IQGAP2: variants seen among roughly 807,000 people sequenced by gnomAD.
IQGAP2 encodes ras GTPase-activating-like protein IQGAP2.
Under a neutral mutation model 201.3 loss-of-function variants are expected in IQGAP2, and 173 were observed. The ratio of observed to expected loss-of-function variants is 0.86; its 90% CI spans 0.76 to 0.98. The LOEUF (loss-of-function observed/expected upper bound fraction) is 0.98. IQGAP2 is among the 50% of genes least tolerant of loss of function. The pLI is 0.00. For missense variants in IQGAP2, 1,687 were observed against 1,864.8 expected (o/e 0.90, Z 1.76); for synonymous variants, 675 against 673.9 (o/e 1.00, Z -0.03).
intron 1 of IQGAP2, among the ~76,000 whole-genome samples, chr5:76,446,757 A>C (rs1404902431): frequency 6.6e-6 from 1 of 152,230 alleles, no homozygotes; most frequent in Non-Finnish European, 1.5e-5. Context: ...CATCTACCAA[A>C]TTAGAATGAT....
At chr5:76,468,008 A>T (rs1393881275) in intron 2 of IQGAP2, among the ~76,000 whole-genome samples, 2 of 152,164 alleles carry the variant, frequency 1.3e-5, no homozygotes, top group African/African-American at 4.8e-5. Context: ...TTTTGGGCTG[A>T]TAAAAATATT....
intron 17 of IQGAP2, among the ~76,000 whole-genome samples, chr5:76,641,935 A>G (rs897051588): frequency 2.0e-5 from 3 of 152,212 alleles, no homozygotes; most frequent in African/African-American, 7.2e-5. Flanking sequence ...GCAGAAAATG[A>G]ATTTTACAAA....
Position 76,597,419 on chromosome 5 carries a change from A to C in IQGAP2, c.908-20A>C. 6.2e-7 allele frequency: 1 copy of C among 1,612,740 alleles called. No individual in the cohort carries two copies. The highest frequency in any genetic ancestry group is 8.5e-7 in the Non-Finnish European group (1 of 1,179,442). On this transcript the variant is annotated intron_variant, in intron 9 of 35. Coordinates refer to ENST00000274364, the MANE Select transcript of IQGAP2 (RefSeq NM_006633.5). ...TGGAAAGAGCAACCATTCTGACAAAACATGAACCCCCATCCTCAGGGCAGG... is the reference window on the plus strand; with the variant it reads ...TGGAAAGAGCAACCATTCTGACAAACCATGAACCCCCATCCTCAGGGCAGG...
At chr5:76,582,955 C>G (rs1462104118) in intron 5 of IQGAP2, among the ~76,000 whole-genome samples, 1 of 152,224 alleles carries the variant, frequency 6.6e-6, no homozygotes, top group Non-Finnish European at 1.5e-5. Flanking sequence ...TTGCTGGCCT[C>G]ACTCAGCTGC....
chr5:76,646,881 A>G (rs1216985649), intron 17 of IQGAP2, among the ~76,000 whole-genome samples: 1 of 152,048 alleles, frequency 6.6e-6, no homozygotes, highest in Non-Finnish European at 1.5e-5. Context: ...TAACATCTTT[A>G]TTCTATTGTG....
intron 3 of IQGAP2, among the ~76,000 whole-genome samples, 163 bp downstream of exon 3, chr5:76,562,715 A>G (rs1744470645): frequency 6.6e-6 from 1 of 152,178 alleles, no homozygotes; most frequent in Non-Finnish European, 1.5e-5. Flanking sequence ...GCAGTTTTAA[A>G]AAGCAAAGTG....
chr5:76,611,813 G>A (rs529720587), intron 13 of IQGAP2, among the ~76,000 whole-genome samples: 1 of 152,198 alleles, frequency 6.6e-6, no homozygotes, highest in Admixed American at 6.5e-5. Context: ...ACAAAGACTG[G>A]CCTCTGTGAT....
In IQGAP2 at chr5:76,403,384, C is replaced by A. The variant is rs985414622; in HGVS notation, c.-162C>A. The A allele has an allele frequency of 6.5e-6, 3 of 464,606 alleles. No individual in the cohort carries two copies. The highest frequency in any genetic ancestry group is 4.5e-5 in the Admixed American group (1 of 22,094). The allele number at this position is 464,606 out of a possible 1,614,324, so 28.8% of individuals were successfully genotyped here. On this transcript the variant is annotated 5_prime_UTR_variant, in exon 1 of 36. Transcript: ENST00000274364. The surrounding 1 kb of genome is among the most constrained non-coding windows in gnomAD (Gnocchi z 4.8). ...GCGCGGCGGCCGTGGCTGGCTCTGG[C>A]GAGAGAGCACCGAGGGAGTGGGTCG... is the stretch of plus-strand genomic sequence containing the variant.
At chr5:76,603,440 AAAAG>A (rs1443462804) in intron 11 of IQGAP2, among the ~76,000 whole-genome samples, 1 of 152,084 alleles carries the variant, frequency 6.6e-6, no homozygotes, top group Non-Finnish European at 1.5e-5. Flanking sequence ...GCACAAAAAC[AAAAG>A]AAACAAAAGC....
At chr5:76,610,935 G>C in intron 12 of IQGAP2, 85 bp from the exon 13 acceptor site, 2 of 1,129,324 alleles carry the variant, frequency 1.8e-6, no homozygotes, top group African/African-American at 3.1e-5. Flanking sequence ...TGCTGTACTA[G>C]TTAATTAGCC....
chr5:76,702,433 C>T (rs368611155), intron 34 of IQGAP2, 49 bp from the exon 35 acceptor site: 2 of 848,018 alleles, frequency 2.4e-6, no homozygotes, highest in African/African-American at 1.7e-5. Context: ...CAGCTTTAAG[C>T]ACATCTGTAT....
intron 2 of IQGAP2, among the ~76,000 whole-genome samples, chr5:76,541,054 T>A (rs982690988): frequency 3.3e-5 from 5 of 152,240 alleles, no homozygotes; most frequent in Non-Finnish European, 7.3e-5. Flanking sequence ...TTTACCATTC[T>A]AACCATTTTT....
At chr5:76,509,808 A>T (rs1757846665) in intron 2 of IQGAP2, among the ~76,000 whole-genome samples, 1 of 151,970 alleles carries the variant, frequency 6.6e-6, no homozygotes, top group South Asian at 2.1e-4. Context: ...CCCTTAGTAG[A>T]TAGTCACCCT....
chr5:76,696,772 T>C (rs1400397359), intron 32 of IQGAP2, among the ~76,000 whole-genome samples: 1 of 152,180 alleles, frequency 6.6e-6, no homozygotes, highest in East Asian at 1.9e-4. Flanking sequence ...GATAAATATA[T>C]GCTTTTGCTT....
rs5868826 is a variant in IQGAP2, at chr5:76,463,123, TAAAAAAAAAA to T, written c.146+1465_146+1474del. On this transcript the variant is annotated intron_variant, in intron 2 of 35. Coordinates refer to ENST00000274364, the MANE Select transcript of IQGAP2 (RefSeq NM_006633.5). ...GGGTGGCAGAGTGAGACGCTGTCTT[TAAAAAAAAAA>T]AAAAAAAAAAGGAAAAGAAAGAAAG... is the stretch of plus-strand genomic sequence containing the variant. Among the ~76,000 whole-genome samples the T allele has an allele frequency of 3.8e-5, 4 of 105,716 alleles. No homozygotes were observed. In the South Asian group the frequency reaches 1.0e-3, roughly 27 times the overall value. 69.4% of individuals were successfully genotyped at this position (105,716 alleles called of 152,430 possible).
At chr5:76,488,585 A>C (rs1756320338) in intron 2 of IQGAP2, among the ~76,000 whole-genome samples, 1 of 152,196 alleles carries the variant, frequency 6.6e-6, no homozygotes, top group African/African-American at 2.4e-5. Context: ...AGGTCAGAGA[A>C]ACTGAGATTC....
intron 1 of IQGAP2, among the ~76,000 whole-genome samples, chr5:76,451,543 C>G (rs1753747518): frequency 6.6e-6 from 1 of 152,198 alleles, no homozygotes; most frequent in East Asian, 1.9e-4. Flanking sequence ...CACTTCCTCT[C>G]TGCTGCCTTT....
intron 6 of IQGAP2, among the ~76,000 whole-genome samples, 173 bp from the exon 7 acceptor site, chr5:76,589,439 CCTT>C (rs1236635134): frequency 6.6e-6 from 1 of 152,122 alleles, no homozygotes; most frequent in Non-Finnish European, 1.5e-5. Flanking sequence ...ACTGAGTTCT[CCTT>C]CTCCATGTTT....
intron 1 of IQGAP2, among the ~76,000 whole-genome samples, chr5:76,448,019 T>C (rs763303782): frequency 3.9e-5 from 6 of 152,112 alleles, no homozygotes; most frequent in Non-Finnish European, 7.4e-5. Flanking sequence ...TGCTGCACAA[T>C]TTGGGAAGCC....
Sources: allele counts gnomAD v4.1 joint callset (sites outside exome capture counted in the v4.1 genomes callset), GRCh38; gene constraint gnomAD v4.1.1; non-coding constraint Gnocchi (gnomAD v3.1); transcripts MANE v1.5; gene names NCBI Gene and HGNC (gene_info 2026-07-23, HGNC 2026-07-21).